Variants in TANGO6 observed in about 807,000 individuals in gnomAD.
The protein encoded by TANGO6 is transport and Golgi organization protein 6 homolog.
A neutral mutation model predicts 114.2 loss-of-function variants in TANGO6; 90 were observed. The ratio of observed to expected loss-of-function variants is 0.79; its 90% CI spans 0.66 to 0.94. The LOEUF (loss-of-function observed/expected upper bound fraction) is 0.94. TANGO6 is among the 40% of genes least tolerant of loss of function. TANGO6 has a pLI of 0.00. For missense variants in TANGO6, 1,274 were observed against 1,315.3 expected, an observed-to-expected ratio of 0.97 and a Z score of 0.49; for synonymous variants, 477 against 509.8, an observed-to-expected ratio of 0.94 and a Z score of 0.87.
intron 5 of TANGO6, 102 bp from the exon 6 acceptor site, chr16:68,878,016 T>C (rs1294967480): frequency 3.1e-6 from 3 of 975,340 alleles, no homozygotes; most frequent in Non-Finnish European, 4.4e-6. Flanking sequence ...GTTATTGAGG[T>C]GAATTTATTT....
intron 7 of TANGO6, among the ~76,000 whole-genome samples, chr16:68,891,932 AG>A (rs1251307753): frequency 2.5e-4 from 30 of 122,268 alleles, no homozygotes; most frequent in African/African-American, 9.4e-4. Flanking sequence ...GGGAGGAGGG[AG>A]GGAGAGAGGA....
chr16:69,012,579 G>GGAAAAAAAAAAAAAA (rs1964153269), intron 15 of TANGO6, among the ~76,000 whole-genome samples: 1 of 111,248 alleles, frequency 9.0e-6, no homozygotes. Flanking sequence ...AAAAAAAAAA[G>GGAAAAAAAAAAAAAA]GAAAAAAAAA....
intron 14 of TANGO6, among the ~76,000 whole-genome samples, chr16:68,952,823 G>T (rs146467607): frequency 5.1e-4 from 77 of 152,194 alleles, no homozygotes; most frequent in Admixed American, 9.2e-4. Flanking sequence ...GACCTCATTA[G>T]GTCATCTCTC....
intron 17 of TANGO6, among the ~76,000 whole-genome samples, chr16:69,075,077 G>A (rs1960354383): frequency 6.6e-6 from 1 of 151,728 alleles, no homozygotes; most frequent in African/African-American, 2.4e-5. Flanking sequence ...CCTGAGCTCA[G>A]TTGATCCACC....
intron 1 of TANGO6, chr16:68,846,604 T>C (rs1276801849): frequency 1.4e-5 from 3 of 212,906 alleles, no homozygotes; most frequent in Non-Finnish European, 2.9e-5. Flanking sequence ...CAAGCAATTC[T>C]CCTGCCCCAG....
chr16:68,861,819 A>T (rs986734100), intron 2 of TANGO6, among the ~76,000 whole-genome samples: 2 of 152,102 alleles, frequency 1.3e-5, no homozygotes, highest in Non-Finnish European at 2.9e-5. Context: ...TGACTGTTTG[A>T]CCCTGAGCAG....
At chr16:69,027,431 C>G (rs1263238082) in intron 16 of TANGO6, among the ~76,000 whole-genome samples, 1 of 151,870 alleles carries the variant, frequency 6.6e-6, no homozygotes, top group East Asian at 1.9e-4. Context: ...GTTTTTGTAT[C>G]TTCTTTTTTT....
intron 17 of TANGO6, among the ~76,000 whole-genome samples, chr16:69,070,184 G>A (rs1038767231): frequency 5.9e-5 from 9 of 151,790 alleles, no homozygotes; most frequent in East Asian, 1.9e-4. Flanking sequence ...CTCCAGCCTC[G>A]GCGATAGAGC....
chr16:68,912,175 A>G (rs529811511), intron 11 of TANGO6, among the ~76,000 whole-genome samples: 2 of 152,340 alleles, frequency 1.3e-5, no homozygotes, highest in East Asian at 1.9e-4. Context: ...TAGGAGAATC[A>G]TAGCTAAAAA....
At chr16:69,022,721 A>C in intron 15 of TANGO6, 107 bp from the exon 16 acceptor site, 8 of 1,299,978 alleles carry the variant, frequency 6.2e-6, no homozygotes, top group African/African-American at 1.5e-5. Context: ...AAATAAAAAC[A>C]AAAAGAATAA....
chr16:68,871,380 GTGT>G (rs1237711700), intron 4 of TANGO6, among the ~76,000 whole-genome samples: 2 of 152,002 alleles, frequency 1.3e-5, no homozygotes, highest in African/African-American at 4.8e-5. Flanking sequence ...CCTTGGTGTG[GTGT>G]TGGTTTCTTT....
At chr16:68,852,945 A>G (rs762292360) in intron 1 of TANGO6, among the ~76,000 whole-genome samples, 2 of 152,220 alleles carry the variant, frequency 1.3e-5, no homozygotes, top group African/African-American at 2.4e-5. Context: ...TCACATTTCT[A>G]TCCATTTATC....
intron 17 of TANGO6, among the ~76,000 whole-genome samples, chr16:69,078,270 G>C (rs1960417531): frequency 6.6e-6 from 1 of 152,216 alleles, no homozygotes; most frequent in African/African-American, 2.4e-5. Context: ...CTTGTTCTAT[G>C]TAGCCCTTTC....
chr16:68,932,659 G>A (rs1389082173), intron 14 of TANGO6, among the ~76,000 whole-genome samples: 3 of 151,846 alleles, frequency 2.0e-5, no homozygotes. Flanking sequence ...GTGTGGTGGC[G>A]GGCACCTGTA....
At chr16:68,902,218 A>G in intron 8 of TANGO6, 110 bp from the exon 9 acceptor site, 1 of 1,020,142 alleles carries the variant, frequency 9.8e-7, no homozygotes, top group Non-Finnish European at 1.4e-6. Flanking sequence ...AGATTGTGCC[A>G]GCATTTAAAA....
chr16:68,989,513 G>A (rs1963928536), intron 15 of TANGO6, among the ~76,000 whole-genome samples: 1 of 151,924 alleles, frequency 6.6e-6, no homozygotes, highest in Admixed American at 6.6e-5. Context: ...TTGTTCATTA[G>A]AAGTGTATTT....
intron 17 of TANGO6, among the ~76,000 whole-genome samples, chr16:69,054,268 C>G (rs1445413029): frequency 6.6e-6 from 1 of 152,146 alleles, no homozygotes; most frequent in African/African-American, 2.4e-5. Context: ...TAGGACCCTC[C>G]AAAGGGTAAA....
chr16:69,083,575 T>C lies in TANGO6; in HGVS notation c.3199T>C (p.Leu1067=), dbSNP rs1960497812. 1 of 1,606,780 alleles carries C rather than the reference T, an allele frequency of 6.2e-7. No homozygotes were observed. Among genetic ancestry groups the C allele is most frequent in the Non-Finnish European group, 8.5e-7 (1 of 1,176,766 alleles). Reference sequence around the variant, plus strand: ...TGACGTGGCCAAGCTCCATGCCCAGTTGGCCCTAGAAGAGCTGGATGACAT... The same window carrying C: ...TGACGTGGCCAAGCTCCATGCCCAGCTGGCCCTAGAAGAGCTGGATGACAT... ...PDDVAKLHAQ[L]ALEELDDIMK... Residue 1067 remains leucine (L), a synonymous_variant, in exon 18 of 18, where the codon TTG becomes CTG. Transcript: ENST00000261778.
intron 1 of TANGO6, among the ~76,000 whole-genome samples, chr16:68,850,913 A>C (rs974952541): frequency 6.6e-6 from 1 of 152,080 alleles, no homozygotes; most frequent in Non-Finnish European, 1.5e-5. Flanking sequence ...TTTTTGATTT[A>C]ATTTTTTTAA....
Sources: gnomAD v4.1 joint callset for allele counts (sites outside exome capture counted in the v4.1 genomes callset) on GRCh38, gnomAD v4.1.1 for gene constraint, MANE v1.5 for transcripts, NCBI Gene and HGNC (gene_info 2026-07-23, HGNC 2026-07-21) for gene names.